The following ZNF665 variants were observed in gnomAD, a reference collection of about 807,000 sequenced individuals.
The protein encoded by ZNF665 is zinc finger protein 665.
A neutral mutation model predicts 7.9 loss-of-function variants in ZNF665; 6 were observed. The ratio of observed to expected loss-of-function variants is 0.76; its 90% CI spans 0.42 to 1.50. The LOEUF (loss-of-function observed/expected upper bound fraction) is 1.50. ZNF665 is among the 40% of genes most tolerant of loss of function. ZNF665 has a pLI of 0.01. For synonymous variants in ZNF665, 242 were observed against 274.5 expected (o/e 0.88, Z 1.17); for missense variants, 819 against 806.7 (o/e 1.02, Z -0.18).
chr19:53,178,706 T>C (rs1005216890), intron 2 of ZNF665, among the ~76,000 whole-genome samples: 2 of 152,176 alleles, frequency 1.3e-5, no homozygotes, highest in Non-Finnish European at 2.9e-5. Context: ...CAAGTTCAAA[T>C]AGTGTTTTAT....
In ZNF665 at chr19:53,185,740, G is replaced by A. The variant is rs569793234; in HGVS notation, c.-45-2797C>T. The stretch of plus-strand genomic sequence containing the variant: ...GAGGAAAGCGTGACGTGATCAGCGA[G>A]GTATCAAAAACTTGAAAACAAACAG... On this transcript the variant is annotated intron_variant, in intron 1 of 3. Transcript: ENST00000396424. 1.2e-3 allele frequency among the ~76,000 whole-genome samples: 179 copies of A among 151,782 alleles called. 1 individual carries two copies. The highest frequency in any genetic ancestry group is 2.1e-3 in the Non-Finnish European group (146 of 67,990).
intron 1 of ZNF665, among the ~76,000 whole-genome samples, chr19:53,191,070 G>C (rs566888081): frequency 7.1e-6 from 1 of 140,166 alleles, no homozygotes; most frequent in South Asian, 2.1e-4. Context: ...CAATGGATCC[G>C]AAGCTCCGAA....
At position 53,182,959 on chromosome 19, in the gene ZNF665, A is replaced by G; in HGVS notation, c.-45-16T>C. On this transcript the variant is annotated splice_polypyrimidine_tract_variant and intron_variant, in intron 1 of 3. Coordinates refer to ENST00000396424, the MANE Select transcript of ZNF665 (RefSeq NM_024733.5). ...AGGGTTCTACCTTGGGTAACATGAA[A>G]GAGACTTTAGAATTCAATCCTGAAT... is the stretch of plus-strand genomic sequence containing the variant. The G allele has an allele frequency of 6.3e-7, 1 of 1,596,360 alleles. No homozygotes were observed. Among genetic ancestry groups the G allele is most frequent in the Non-Finnish European group, 8.5e-7 (1 of 1,173,248 alleles).
rs374221748 is a variant in ZNF665, at chr19:53,165,778, C to T, written c.712G>A (p.Glu238Lys). The change falls in exon 4 of 4, where the codon GAA becomes AAA. Residue 238 changes from glutamate (E) to lysine (K), a missense_variant. Physicochemically the swap from Glu to Lys is moderately conservative, Grantham distance 56. Transcript: ENST00000396424. Reference sequence around the variant, plus strand: ...GGTTGACTGAAGACCTTTCCACATTCATTACATTTGTAAGGTTTTTCTCCA... The same window carrying T: ...GGTTGACTGAAGACCTTTCCACATTTATTACATTTGTAAGGTTTTTCTCCA... Reference protein sequence around the residue: ...HTGEKPYKCNECGKVFSQPSN... With the variant: ...HTGEKPYKCNKCGKVFSQPSN... 9 of 1,614,142 alleles carry T rather than the reference C, an allele frequency of 5.6e-6. No individual in the cohort carries two copies. In the South Asian group the frequency reaches 9.9e-5, roughly 18 times the overall value.
At chr19:53,176,262 G>C (rs1382363259) in intron 2 of ZNF665, among the ~76,000 whole-genome samples, 1 of 152,162 alleles carries the variant, frequency 6.6e-6, no homozygotes, top group Non-Finnish European at 1.5e-5. Context: ...TGAAGGTTCA[G>C]TTGAACATCC....
At chr19:53,182,260 A>C in intron 2 of ZNF665, 2 of 164,616 alleles carry the variant, frequency 1.2e-5, no homozygotes, top group East Asian at 1.8e-4. Context: ...AGTCCCAGCT[A>C]CGCAGGGGGC....
In ZNF665 at chr19:53,165,979, G is replaced by A. The variant is rs747799706; in HGVS notation, c.511C>T (p.Pro171Ser). ...TTATAATGTTTTCCTCGATTATTAG[G>A]AGACTTCTCAACTTGATTGTATTCA... is the stretch of plus-strand genomic sequence containing the variant. ...IYEYNQVEKS[P>S]NNRGKHYKCD... Residue 171 changes from proline (P) to serine (S), a missense_variant, in exon 4 of 4, where the codon CCT becomes TCT. By Grantham distance (74) the Pro-to-Ser change is moderately conservative. Transcript: ENST00000396424. 8 of 1,613,578 alleles carry A rather than the reference G, an allele frequency of 5.0e-6. No homozygotes were observed. Among genetic ancestry groups the A allele is most frequent in the Admixed American group, 1.7e-5 (1 of 60,000 alleles).
At chr19:53,171,165 TAGTAGA>T (rs2090654197) in intron 3 of ZNF665, among the ~76,000 whole-genome samples, 1 of 151,882 alleles carries the variant, frequency 6.6e-6, no homozygotes, top group South Asian at 2.1e-4. Context: ...TTTATATTTT[TAGTAGA>T]GACGGGGTTT....
At chr19:53,176,206 G>A (rs781066312) in intron 2 of ZNF665, among the ~76,000 whole-genome samples, 6 of 152,144 alleles carry the variant, frequency 3.9e-5, no homozygotes, top group Admixed American at 2.0e-4. Flanking sequence ...TTACAGGGTT[G>A]GGACTTCCAG....
In ZNF665 at chr19:53,166,110, C is replaced by T. The variant is rs201506528; in HGVS notation, c.380G>A (p.Arg127His). 1.5e-5 allele frequency: 25 copies of T among 1,613,938 alleles called. No homozygotes were observed. Among genetic ancestry groups the T allele is most frequent in the South Asian group, 5.5e-5 (5 of 91,060 alleles). ...CCTGTTTCCTGCAGCCCTTCTATCA[C>T]GTTGAGCTCTTCTACCAGGGAGATT... ...KENLPGRRAQ[R>H]DRRAAGNRHI... is the part of the protein sequence containing the mutation. The change falls in exon 4 of 4, where the codon CGT becomes CAT. Residue 127 changes from arginine to histidine, a missense_variant. Coordinates refer to ENST00000396424, the MANE Select transcript of ZNF665 (RefSeq NM_024733.5).
chr19:53,177,647 T>A (rs537317709), intron 2 of ZNF665, among the ~76,000 whole-genome samples: 1 of 152,260 alleles, frequency 6.6e-6, no homozygotes, highest in East Asian at 1.9e-4. Flanking sequence ...ATATTCAGCA[T>A]CTAGATGACC....
At chr19:53,185,244 T>A (rs547826113) in intron 1 of ZNF665, among the ~76,000 whole-genome samples, 65 of 152,018 alleles carry the variant, frequency 4.3e-4, no homozygotes, top group Non-Finnish European at 7.4e-4. Context: ...CCTTGCCACT[T>A]ACGCTACCGC....
intron 3 of ZNF665, among the ~76,000 whole-genome samples, chr19:53,167,587 C>T (rs112630381): frequency 6.6e-6 from 1 of 150,956 alleles, no homozygotes. Context: ...GCTGGGACTA[C>T]AGGCGCCCGC....
chr19:53,164,098 G>A lies in ZNF665; in HGVS notation c.*355C>T, dbSNP rs12986080. 0.51 allele frequency: 80,085 copies of A among 156,738 alleles called. 23,438 individuals are homozygous for A. Among genetic ancestry groups the A allele is most frequent in the South Asian group, 0.7 (3,677 of 5,216 alleles). 9.7% of individuals were successfully genotyped at this position (156,738 alleles called of 1,614,324 possible). ...TCTCTGATGTTGTGAAAGAATTTGT[G>A]GCTGAAAAACTGGCCGCACTCCTTT... On this transcript the variant is annotated 3_prime_UTR_variant, in exon 4 of 4. Transcript: ENST00000396424.
chr19:53,163,401 G>C lies in ZNF665; in HGVS notation c.*1052C>G, dbSNP rs1411881954. 6.6e-6 allele frequency: 1 copy of C among 152,154 alleles called. No homozygotes were observed. Among genetic ancestry groups the C allele is most frequent in the East Asian group, 1.9e-4 (1 of 5,178 alleles). The allele number at this position is 152,154 out of a possible 1,614,324, so 9.4% of individuals were successfully genotyped here. On this transcript the variant is annotated 3_prime_UTR_variant, in exon 4 of 4. Transcript: ENST00000396424. ...AGAAGGGCACCTGCAGTGCAATAAG[G>C]ATGATGAGTGACATCATAGTTCATC...
intron 2 of ZNF665, among the ~76,000 whole-genome samples, chr19:53,180,414 A>G (rs539317118): frequency 3.2e-4 from 48 of 152,168 alleles, no homozygotes; most frequent in Non-Finnish European, 6.3e-4. Context: ...GCCTGGGCAA[A>G]AGAGTGAAAC....
rs2090745988 is a variant in ZNF665, at chr19:53,182,585, C to G, written c.15+299G>C. ...AGCTGTCAATATATTCAAATATGTC[C>G]TGAACAATCCCTGTTGCCCAACAGC... On this transcript the variant is annotated intron_variant, in intron 2 of 3. Transcript: ENST00000396424. 1.1e-5 allele frequency: 8 copies of G among 720,270 alleles called. No individual in the cohort carries two copies. The South Asian group carries it at 1.2e-4, about 11-fold the overall frequency. 44.6% of individuals were successfully genotyped at this position (720,270 alleles called of 1,614,324 possible).
At chr19:53,174,750 C>A (rs2090683392) in intron 3 of ZNF665, among the ~76,000 whole-genome samples, 1 of 152,072 alleles carries the variant, frequency 6.6e-6, no homozygotes, top group Non-Finnish European at 1.5e-5. Flanking sequence ...ACTAGCCTGG[C>A]CAACATGGTG....
chr19:53,173,372 C>CTTTTTTTTTTTTTTTTTTTT lies in ZNF665; in HGVS notation c.142+2053_142+2072dup, dbSNP rs34425717. Among the ~76,000 whole-genome samples, 6 of 78,880 alleles carry CTTTTTTTTTTTTTTTTTTTT rather than the reference C, an allele frequency of 7.6e-5. 1 individual carries two copies. The highest frequency in any genetic ancestry group is 4.2e-4 in the East Asian group (1 of 2,374). The allele number at this position is 78,880 out of a possible 152,430, so 51.7% of individuals were successfully genotyped here. A position where few individuals can be genotyped will look rare whatever the true frequency, so the allele number is the denominator to read the frequency against. On this transcript the variant is annotated intron_variant, in intron 3 of 3. Coordinates refer to ENST00000396424, the MANE Select transcript of ZNF665 (RefSeq NM_024733.5). ...TATATCCATCATTTTTTTTTTCACTCTTTTTTTTTTTTTTTTTTTTTGAGA... is the reference window on the plus strand; with the variant it reads ...TATATCCATCATTTTTTTTTTCACTCTTTTTTTTTTTTTTTTTTTTTTTTTTTTTTTTTTTTTTTTTGAGA...
Sources: gnomAD v4.1 joint callset for allele counts (sites outside exome capture counted in the v4.1 genomes callset) on GRCh38, gnomAD v4.1.1 for gene constraint, MANE v1.5 for transcripts, NCBI Gene and HGNC (gene_info 2026-07-23, HGNC 2026-07-21) for gene names.